The following GRK7 variants were observed in gnomAD, a reference collection of about 807,000 sequenced individuals.
The protein encoded by GRK7 is G protein-coupled receptor kinase 7.
Under a neutral mutation model 34.1 loss-of-function variants are expected in GRK7, and 24 were observed. The ratio of observed to expected loss-of-function variants is 0.70; its 90% CI spans 0.51 to 0.99. GRK7 has a LOEUF of 0.99. Ranked by LOEUF, GRK7 falls within the 50% of genes least tolerant of loss-of-function variation. The pLI is 0.00. For synonymous variants in GRK7, 256 were observed against 279.4 expected, an observed-to-expected ratio of 0.92 and a Z score of 0.84; for missense variants, 644 against 707.3, an observed-to-expected ratio of 0.91 and a Z score of 1.02.
the GRK7 span, among the ~76,000 whole-genome samples, chr3:141,755,911 G>A: frequency 2.0e-5 from 3 of 150,746 alleles, no homozygotes; most frequent in East Asian, 5.9e-4. Context: ...TTTTTAAAAT[G>A]TTCATATTTA....
rs1396839612 is a variant in GRK7, at chr3:141,816,819, G to C, written c.1431G>C (p.Val477=). 2 of 1,613,470 alleles carry C rather than the reference G, an allele frequency of 1.2e-6. No homozygotes were observed. Among genetic ancestry groups the C allele is most frequent in the East Asian group, 4.5e-5 (2 of 44,874 alleles). Residue 477 remains valine (V), a synonymous_variant, in exon 6 of 6, where the codon GTG becomes GTC. Coordinates refer to ENST00000682958, the MANE Select transcript of GRK7 (RefSeq NM_139209.3). ...CCCCATTTGTGCCAGACCCTTCAGT[G>C]GTTTATGCCAAAGACATCGCTGAAA... ...IEPPFVPDPS[V]VYAKDIAEID... is the part of the protein sequence containing the mutation.
At chr3:141,806,566 A>AATAT (rs148786958) in intron 4 of GRK7, among the ~76,000 whole-genome samples, 20 of 150,078 alleles carry the variant, frequency 1.3e-4, no homozygotes, top group African/African-American at 2.7e-4. Flanking sequence ...CCATCTCAAA[A>AATAT]ATATATATAT....
intron 4 of GRK7, among the ~76,000 whole-genome samples, chr3:141,797,446 G>A (rs1199742701): frequency 6.6e-6 from 1 of 152,224 alleles, no homozygotes; most frequent in Non-Finnish European, 1.5e-5. Flanking sequence ...GAGCAGCTGG[G>A]AACGAGAACA....
At chr3:141,752,865 A>G in the GRK7 span, among the ~76,000 whole-genome samples, 130 of 152,314 alleles carry the variant, frequency 8.5e-4, no homozygotes, top group South Asian at 1.0e-3. Flanking sequence ...CTCTCTTTTC[A>G]TGAATGTACC....
chr3:141,760,401 C>G (rs1390211756), upstream of GRK7, among the ~76,000 whole-genome samples: 1 of 141,504 alleles, frequency 7.1e-6, no homozygotes, highest in Non-Finnish European at 1.5e-5. Flanking sequence ...GCCGGTTGTT[C>G]AGTTTCCATG....
intron 5 of GRK7, among the ~76,000 whole-genome samples, chr3:141,810,826 G>A (rs149338124): frequency 1.3e-5 from 2 of 152,036 alleles, no homozygotes; most frequent in African/African-American, 2.4e-5. Context: ...TGTCTTCTGC[G>A]TGCCCAGGAG....
At chr3:141,799,996 G>T (rs923521570) in intron 4 of GRK7, among the ~76,000 whole-genome samples, 1 of 152,166 alleles carries the variant, frequency 6.6e-6, no homozygotes, top group Non-Finnish European at 1.5e-5. Flanking sequence ...GTGCCACACA[G>T]AGCAAGCTCG....
At chr3:141,802,265 A>T (rs1437314813) in intron 4 of GRK7, among the ~76,000 whole-genome samples, 3 of 152,070 alleles carry the variant, frequency 2.0e-5, no homozygotes, top group Admixed American at 1.3e-4. Flanking sequence ...AAGTGGGAAG[A>T]CTGCTTGAGC....
chr3:141,762,976 T>C (rs1050316018), upstream of GRK7, among the ~76,000 whole-genome samples: 1 of 152,232 alleles, frequency 6.6e-6, no homozygotes, highest in Non-Finnish European at 1.5e-5. Flanking sequence ...TGCCTCGCCC[T>C]GCTTCGGCTC....
chr3:141,795,098 G>A (rs1340429326), intron 4 of GRK7, among the ~76,000 whole-genome samples: 2 of 152,168 alleles, frequency 1.3e-5, no homozygotes, highest in African/African-American at 4.8e-5. Context: ...CACAGGGTCA[G>A]GAAGGGCTTC....
intron 4 of GRK7, among the ~76,000 whole-genome samples, chr3:141,791,642 A>C (rs1307125063): frequency 1.3e-5 from 2 of 152,078 alleles, no homozygotes; most frequent in African/African-American, 4.8e-5. Flanking sequence ...GCCTTTATTC[A>C]CTCACTCACT....
At chr3:141,783,236 C>A (rs74531322) in intron 4 of GRK7, among the ~76,000 whole-genome samples, 1 of 152,290 alleles carries the variant, frequency 6.6e-6, no homozygotes, top group East Asian at 1.9e-4. Flanking sequence ...CTGGCCACCC[C>A]CTAGCTGCAG....
intron 1 of GRK7, among the ~76,000 whole-genome samples, chr3:141,771,214 C>CGTGT (rs67606208): frequency 2.7e-5 from 4 of 150,120 alleles, no homozygotes; most frequent in African/African-American, 4.9e-5. Flanking sequence ...TGTGTGTGCA[C>CGTGT]GTGTGTGTGT....
intron 4 of GRK7, among the ~76,000 whole-genome samples, chr3:141,805,822 G>A (rs537146965): frequency 1.3e-4 from 20 of 152,214 alleles, no homozygotes; most frequent in Non-Finnish European, 1.8e-4. Context: ...TCATAGAGAC[G>A]GGGTCTCACA....
At chr3:141,798,000 G>A (rs540014905) in intron 4 of GRK7, among the ~76,000 whole-genome samples, 1 of 152,288 alleles carries the variant, frequency 6.6e-6, no homozygotes, top group African/African-American at 2.4e-5. Flanking sequence ...TCACAGTCTG[G>A]TTCCTGGTTG....
rs1330823327 is a variant in GRK7 at position 141,778,288 on chromosome 3, G to GT, written c.5dup (p.Asp3GlyfsTer34). ...GGAGTGCGCCCCGTGCTCAGCCATG[G>GT]TGGACATGGGGGCCCTGGACAACCT... On this transcript the variant is annotated frameshift_variant, in exon 3 of 6. Transcript: ENST00000682958. LOFTEE classifies it high-confidence loss of function. This position sits in a 1 kb window ranked among gnomAD's most constrained non-coding sequence, Gnocchi z 4.1. 2 of 1,562,988 alleles carry GT rather than the reference G, an allele frequency of 1.3e-6. No homozygotes were observed. Among genetic ancestry groups the GT allele is most frequent in the African/African-American group, 2.7e-5 (2 of 73,632 alleles).
At chr3:141,813,717 G>A (rs1711119779) in intron 5 of GRK7, among the ~76,000 whole-genome samples, 1 of 152,064 alleles carries the variant, frequency 6.6e-6, no homozygotes, top group Non-Finnish European at 1.5e-5. Context: ...AGGAATCACT[G>A]GATCATCAGA....
intron 4 of GRK7, among the ~76,000 whole-genome samples, chr3:141,794,548 A>G (rs1265980993): frequency 6.6e-6 from 1 of 152,270 alleles, no homozygotes; most frequent in African/African-American, 2.4e-5. Context: ...GGCCATGTTA[A>G]GGACTTTGGG....
the GRK7 span, among the ~76,000 whole-genome samples, chr3:141,752,428 G>A: frequency 6.6e-6 from 1 of 152,142 alleles, no homozygotes; most frequent in Admixed American, 6.5e-5. Context: ...CGTCCACAAG[G>A]CATAGGACAG....
Sources: allele counts gnomAD v4.1 joint callset (sites outside exome capture counted in the v4.1 genomes callset), GRCh38; gene constraint gnomAD v4.1.1; non-coding constraint Gnocchi (gnomAD v3.1); transcripts MANE v1.5; gene names NCBI Gene and HGNC (gene_info 2026-07-23, HGNC 2026-07-21).